GNAL: variants seen among roughly 807,000 people sequenced by gnomAD.
The protein encoded by GNAL is guanine nucleotide-binding protein G(olf) subunit alpha.
GNAL carries 18 observed loss-of-function variants against 55.1 expected under a neutral mutation model. The observed-to-expected ratio is 0.33, with a 90% CI of 0.23 to 0.48. GNAL has a LOEUF of 0.48. Among genes scored for constraint, GNAL ranks in the 20% least tolerant of loss-of-function variants. The pLI is 0.99. For synonymous variants in GNAL, 253 were observed against 237.0 expected, an observed-to-expected ratio of 1.07 and a Z score of -0.62; for missense variants, 412 against 614.1, an observed-to-expected ratio of 0.67 and a Z score of 3.48.
At position 11,868,550 on chromosome 18, in the gene GNAL, A is replaced by G. The variant is rs2075811967; in HGVS notation, c.918A>G (p.Thr306=). 2 of 1,610,732 alleles carry G rather than the reference A, an allele frequency of 1.2e-6. No individual in the cohort carries two copies. The highest frequency in any genetic ancestry group is 2.7e-5 in the African/African-American group (2 of 74,676). ...RKWIQCFNDV[T]AIIYVAACSS... is the part of the protein sequence containing the mutation. ...CTTTTTCTCCCCACCAAGATGTCACAGCTATCATTTACGTCGCAGCCTGCA... is the reference window on the plus strand; with the variant it reads ...CTTTTTCTCCCCACCAAGATGTCACGGCTATCATTTACGTCGCAGCCTGCA... Residue 306 remains threonine (T), a synonymous_variant, in exon 9 of 12, where the codon ACA becomes ACG. Transcript: ENST00000334049. This position sits in a 1 kb window ranked among gnomAD's most constrained non-coding sequence, Gnocchi z 4.0.
chr18:11,856,478 C>T lies in GNAL; in HGVS notation c.723-5917C>T, dbSNP rs528471265. On this transcript the variant is annotated intron_variant, in intron 5 of 11. Transcript: ENST00000334049. Reference sequence around the variant, plus strand: ...AGGCAGGTAAAGCAGGCACCCTAAGCGCACAGAGTCCCAAGTATGGACACT... The same window carrying T: ...AGGCAGGTAAAGCAGGCACCCTAAGTGCACAGAGTCCCAAGTATGGACACT... Among the ~76,000 whole-genome samples, 16 of 151,320 alleles carry T rather than the reference C, an allele frequency of 1.1e-4. No individual in the cohort carries two copies. In the South Asian group the frequency reaches 3.1e-3, roughly 29 times the overall value.
chr18:11,834,098 A>G (rs930750601), intron 5 of GNAL, among the ~76,000 whole-genome samples: 1 of 152,224 alleles, frequency 6.6e-6, no homozygotes, highest in Non-Finnish European at 1.5e-5. Flanking sequence ...AATATATGAA[A>G]CCAAAGTGAA....
At chr18:11,712,768 G>C (rs2031868060) in intron 1 of GNAL, among the ~76,000 whole-genome samples, 1 of 152,136 alleles carries the variant, frequency 6.6e-6, no homozygotes, top group East Asian at 1.9e-4. Context: ...GATTAGACCT[G>C]GTCAGGTCTC....
chr18:11,802,752 G>A (rs1256852651), intron 4 of GNAL, among the ~76,000 whole-genome samples: 3 of 152,206 alleles, frequency 2.0e-5, no homozygotes, highest in Non-Finnish European at 4.4e-5. Flanking sequence ...CTGATGCGTG[G>A]GTGGGAAAGA....
chr18:11,823,833 G>GTAACT (rs1223804442), intron 4 of GNAL, among the ~76,000 whole-genome samples: 6 of 152,222 alleles, frequency 3.9e-5, no homozygotes, highest in African/African-American at 1.2e-4. Context: ...GAACATTTAC[G>GTAACT]TAACTTCTTT....
chr18:11,851,323 C>T lies in GNAL; in HGVS notation c.723-11072C>T, dbSNP rs547111758. On this transcript the variant is annotated intron_variant, in intron 5 of 11. Transcript: ENST00000334049. ...CGTCTTACGTCCCACAGGCCCCACC[C>T]CGGCGCCTTCCGTCCCGCAGGCTCC... is the stretch of plus-strand genomic sequence containing the variant. The T allele has an allele frequency of 1.3e-5, 9 of 676,244 alleles. No individual in the cohort carries two copies. The East Asian group carries it at 2.1e-4, about 16-fold the overall frequency. The allele number at this position is 676,244 out of a possible 1,614,324, so 41.9% of individuals were successfully genotyped here. A position where few individuals can be genotyped will look rare whatever the true frequency, so the allele number is the denominator to read the frequency against.
chr18:11,872,183 T>C (rs942223355), intron 9 of GNAL, 85 bp from the exon 10 acceptor site: 2 of 797,736 alleles, frequency 2.5e-6, no homozygotes, highest in South Asian at 3.4e-5. Flanking sequence ...ACGATGGTAT[T>C]CTTTTAATTT....
At chr18:11,774,543 G>A (rs2033724830) in intron 4 of GNAL, among the ~76,000 whole-genome samples, 1 of 152,202 alleles carries the variant, frequency 6.6e-6, no homozygotes, top group Non-Finnish European at 1.5e-5. Flanking sequence ...TTCATGCCAA[G>A]AACTGCCCTA....
intron 1 of GNAL, among the ~76,000 whole-genome samples, chr18:11,722,162 A>G (rs1255500722): frequency 6.6e-6 from 1 of 152,192 alleles, no homozygotes; most frequent in Non-Finnish European, 1.5e-5. Flanking sequence ...GTTCTTACCA[A>G]AAGACTAACA....
chr18:11,727,213 A>T (rs906514376), intron 1 of GNAL, among the ~76,000 whole-genome samples: 1 of 151,980 alleles, frequency 6.6e-6, no homozygotes, highest in Non-Finnish European at 1.5e-5. Context: ...TTCCCTGCGC[A>T]CCCTCTCTGC....
chr18:11,847,144 A>G (rs2035758267), intron 5 of GNAL, among the ~76,000 whole-genome samples: 1 of 152,014 alleles, frequency 6.6e-6, no homozygotes, highest in Non-Finnish European at 1.5e-5. Flanking sequence ...TTCAACAGAA[A>G]TTTATTGGGT....
chr18:11,832,952 A>G (rs2035419474), intron 5 of GNAL, among the ~76,000 whole-genome samples: 1 of 152,078 alleles, frequency 6.6e-6, no homozygotes. Flanking sequence ...ATACTGTTGA[A>G]CTTATTAAAT....
chr18:11,722,391 G>A (rs1251588474), intron 1 of GNAL, among the ~76,000 whole-genome samples: 2 of 152,162 alleles, frequency 1.3e-5, no homozygotes, highest in Non-Finnish European at 2.9e-5. Context: ...GTGAGTGGTA[G>A]GTCTGCTAAC....
intron 1 of GNAL, among the ~76,000 whole-genome samples, chr18:11,702,736 A>G: frequency 6.6e-6 from 1 of 151,892 alleles, no homozygotes; most frequent in Non-Finnish European, 1.5e-5. Context: ...CAGGTACAGA[A>G]GACAGTGGGA....
At chr18:11,857,444 G>A in intron 5 of GNAL, 2 of 980,270 alleles carry the variant, frequency 2.0e-6, no homozygotes, top group Non-Finnish European at 2.4e-6. Context: ...GATGTTAAAA[G>A]AGACTGAAGG....
In GNAL at chr18:11,882,023, G is replaced by T. The variant is rs2036705970; in HGVS notation, c.*888G>T. 1 of 152,422 alleles carries T rather than the reference G, an allele frequency of 6.6e-6. No homozygotes were observed. Among genetic ancestry groups the T allele is most frequent in the African/African-American group, 2.4e-5 (1 of 41,434 alleles). The allele number at this position is 152,422 out of a possible 1,614,324, so 9.4% of individuals were successfully genotyped here. ...CTTACTCTGAAAAAAGGAATGAATG[G>T]TAGCTGTAGAATTTAGGATATTTTA... is the stretch of plus-strand genomic sequence containing the variant. On this transcript the variant is annotated 3_prime_UTR_variant, in exon 12 of 12. Transcript: ENST00000334049.
intron 1 of GNAL, among the ~76,000 whole-genome samples, chr18:11,717,407 G>T (rs2143389763): frequency 6.6e-6 from 1 of 152,356 alleles, no homozygotes; most frequent in Admixed American, 6.5e-5. Context: ...GGGAGCCCAG[G>T]CAGAGGAGGC....
intron 1 of GNAL, among the ~76,000 whole-genome samples, chr18:11,691,708 T>G: frequency 6.6e-6 from 1 of 152,204 alleles, no homozygotes; most frequent in Non-Finnish European, 1.5e-5. Flanking sequence ...CATCATTTAT[T>G]AAATAGGGAA....
intron 9 of GNAL, among the ~76,000 whole-genome samples, chr18:11,871,971 C>G (rs2036408116): frequency 6.6e-6 from 1 of 152,196 alleles, no homozygotes; most frequent in African/African-American, 2.4e-5. Flanking sequence ...TATGAAAATG[C>G]AAAGTGTCAA....
Sources: allele counts gnomAD v4.1 joint callset (sites outside exome capture counted in the v4.1 genomes callset), GRCh38; gene constraint gnomAD v4.1.1; non-coding constraint Gnocchi (gnomAD v3.1); transcripts MANE v1.5; gene names NCBI Gene and HGNC (gene_info 2026-07-23, HGNC 2026-07-21).